HSD11B1: variants seen among roughly 807,000 people sequenced by gnomAD.
HSD11B1 encodes the protein 11-beta-hydroxysteroid dehydrogenase 1.
A neutral mutation model predicts 22.1 loss-of-function variants in HSD11B1; 15 were observed. The ratio of observed to expected loss-of-function variants is 0.68; its 90% CI spans 0.45 to 1.04. HSD11B1 has a LOEUF of 1.04. Among genes scored for constraint, HSD11B1 ranks in the 50% least tolerant of loss-of-function variants. The probability of loss-of-function intolerance (pLI) is 0.00; values close to 1 mark genes in which losing one functional copy is unlikely to be tolerated. For synonymous variants in HSD11B1, 122 were observed against 125.2 expected (o/e 0.97, Z 0.17); for missense variants, 281 against 357.6 (o/e 0.79, Z 1.73).
intron 1 of HSD11B1, among the ~76,000 whole-genome samples, chr1:209,692,520 G>A (rs181045761): frequency 6.7e-6 from 1 of 150,180 alleles, no homozygotes; most frequent in East Asian, 2.0e-4. Flanking sequence ...TATTTCTGAA[G>A]ACAGGCCAGG....
At position 209,732,595 on chromosome 1, in the gene HSD11B1, T is replaced by C. The variant is rs1325864790; in HGVS notation, c.661+16T>C. 2 of 1,609,142 alleles carry C rather than the reference T, an allele frequency of 1.2e-6. No individual in the cohort carries two copies. Among genetic ancestry groups the C allele is most frequent in the Non-Finnish European group, 1.7e-6 (2 of 1,175,942 alleles). On this transcript the variant is annotated intron_variant, in intron 5 of 5. Transcript: ENST00000367027. ...ATAGACACAGGTAAGGTCAATACTT[T>C]GTGTTTTTTTTTAATTATTATACTT...
At chr1:209,726,052 G>GATGC (rs2076998871) in intron 4 of HSD11B1, among the ~76,000 whole-genome samples, 1 of 151,896 alleles carries the variant, frequency 6.6e-6, no homozygotes, top group Non-Finnish European at 1.5e-5. Context: ...CCAATTAAAA[G>GATGC]CAGGCGGATC....
At chr1:209,734,168 C>T in intron 5 of HSD11B1, 136 bp from the exon 6 acceptor site, 1 of 703,844 alleles carries the variant, frequency 1.4e-6, no homozygotes, top group Non-Finnish European at 2.5e-6. Context: ...TCCATGTATT[C>T]CCTATAGTGC....
intron 4 of HSD11B1, among the ~76,000 whole-genome samples, chr1:209,715,401 T>C (rs553196648): frequency 4.0e-5 from 6 of 151,694 alleles, no homozygotes; most frequent in Admixed American, 6.6e-5. Context: ...TTTCTAAATA[T>C]CATTCTCCAC....
chr1:209,688,970 T>G (rs1006680014), intron 1 of HSD11B1, among the ~76,000 whole-genome samples: 6 of 151,236 alleles, frequency 4.0e-5, no homozygotes, highest in African/African-American at 1.5e-4. Flanking sequence ...GCCTCAGGAG[T>G]TGGAGGAACA....
Position 209,696,505 on chromosome 1 carries a change from CTT to C in HSD11B1, c.-48-8387_-48-8386del, listed in dbSNP as rs1309443562. On this transcript the variant is annotated intron_variant, in intron 1 of 6. Transcript: ENST00000261465. ...GAAATTGCTGCACAGGAAATAGAGACTTTTAAGACTCATCCATCAACACAAAG... is the reference window on the plus strand; with the variant it reads ...GAAATTGCTGCACAGGAAATAGAGACTTAAGACTCATCCATCAACACAAAG... 5.3e-5 allele frequency among the ~76,000 whole-genome samples: 8 copies of C among 152,214 alleles called. No individual in the cohort carries two copies. The East Asian group carries it at 1.5e-3, about 29-fold the overall frequency.
upstream of HSD11B1, chr1:209,704,834 G>A (rs187911765): frequency 5.6e-4 from 460 of 818,328 alleles, 1 homozygote; most frequent in African/African-American, 4.3e-3. Flanking sequence ...AGCCTCCCCC[G>A]TCCCTGATGT....
At chr1:209,733,908 T>G (rs2077050514) in intron 5 of HSD11B1, among the ~76,000 whole-genome samples, 1 of 152,174 alleles carries the variant, frequency 6.6e-6, no homozygotes, top group African/African-American at 2.4e-5. Context: ...TAAGTCATTA[T>G]CATACAGCAC....
At chr1:209,697,911 T>TG (rs1378941607) in intron 1 of HSD11B1, among the ~76,000 whole-genome samples, 1 of 135,590 alleles carries the variant, frequency 7.4e-6, no homozygotes, top group Admixed American at 7.6e-5. Context: ...TTTTTTTTTT[T>TG]TTTGAGATGA....
intron 4 of HSD11B1, among the ~76,000 whole-genome samples, chr1:209,711,069 C>T (rs531986416): frequency 1.3e-5 from 2 of 152,308 alleles, no homozygotes; most frequent in East Asian, 3.9e-4. Context: ...AAGTCACTTG[C>T]TGGATCTTAA....
At chr1:209,691,161 A>AAG (rs1295699678) in intron 1 of HSD11B1, among the ~76,000 whole-genome samples, 1 of 152,178 alleles carries the variant, frequency 6.6e-6, no homozygotes, top group Non-Finnish European at 1.5e-5. Flanking sequence ...ACTGAAAGGC[A>AAG]AGACAGCAAC....
intron 4 of HSD11B1, among the ~76,000 whole-genome samples, chr1:209,725,816 T>C (rs2076997557): frequency 6.6e-6 from 1 of 152,232 alleles, no homozygotes; most frequent in Non-Finnish European, 1.5e-5. Context: ...TGCAGGTTAA[T>C]GGTCCTTATT....
At chr1:209,710,523 T>G (rs2076888240) in intron 4 of HSD11B1, among the ~76,000 whole-genome samples, 1 of 152,254 alleles carries the variant, frequency 6.6e-6, no homozygotes, top group South Asian at 2.1e-4. Flanking sequence ...TTTGGTAAGT[T>G]AACTTTAGAA....
chr1:209,732,527 G>A lies in HSD11B1; in HGVS notation c.609G>A (p.Val203=). 1 of 1,613,876 alleles carries A rather than the reference G, an allele frequency of 6.2e-7. No homozygotes were observed. The highest frequency in any genetic ancestry group is 8.5e-7 in the Non-Finnish European group (1 of 1,179,804). ...CCTCCATCAGAAAGGAATATTCAGT[G>A]TCCAGGGTCAATGTATCAATCACTC... ...FFSSIRKEYS[V]SRVNVSITLC... is the part of the protein sequence containing the mutation. The change falls in exon 5 of 6, where the codon GTG becomes GTA. Residue 203 remains valine (V), a synonymous_variant. Transcript: ENST00000367027.
intron 1 of HSD11B1, 35 bp downstream of exon 1, chr1:209,705,065 G>T (rs754562228): frequency 6.5e-7 from 1 of 1,545,194 alleles, no homozygotes; most frequent in Non-Finnish European, 8.9e-7. Flanking sequence ...GGAGGAATAG[G>T]TTTAAAAAAC....
intron 1 of HSD11B1, among the ~76,000 whole-genome samples, chr1:209,692,543 C>T (rs938338171): frequency 1.5e-5 from 2 of 134,590 alleles, no homozygotes; most frequent in African/African-American, 5.7e-5. Context: ...GGTCAGGCAC[C>T]CCCTGGGGGA....
intron 1 of HSD11B1, among the ~76,000 whole-genome samples, chr1:209,697,816 A>G (rs1490537960): frequency 6.7e-6 from 1 of 149,918 alleles, no homozygotes; most frequent in Non-Finnish European, 1.5e-5. Flanking sequence ...TTTTCAAATT[A>G]AACACAGTTC....
intron 4 of HSD11B1, among the ~76,000 whole-genome samples, chr1:209,714,611 C>A (rs1449901323): frequency 6.6e-6 from 1 of 152,156 alleles, no homozygotes; most frequent in Non-Finnish European, 1.5e-5. Context: ...CGTGTCAGGG[C>A]TTCTTAATAA....
In HSD11B1 at chr1:209,705,223, G is replaced by A. The variant is rs966681711; in HGVS notation, c.88+193G>A. On this transcript the variant is annotated intron_variant, in intron 1 of 5. Coordinates refer to ENST00000367027, the MANE Select transcript of HSD11B1 (RefSeq NM_005525.4). ...GGGGGACTGTGTAGGAAGGGTAATC[G>A]TGTAGCCAAAATCTAGCCAAATAGG... 7.2e-5 allele frequency among the ~76,000 whole-genome samples: 11 copies of A among 152,084 alleles called. 1 individual carries two copies. Among genetic ancestry groups the A allele is most frequent in the South Asian group, 4.2e-4 (2 of 4,818 alleles).
Sources: allele counts gnomAD v4.1 joint callset (sites outside exome capture counted in the v4.1 genomes callset), GRCh38; gene constraint gnomAD v4.1.1; transcripts MANE v1.5; gene names NCBI Gene and HGNC (gene_info 2026-07-23, HGNC 2026-07-21).